Variants in EPAS1 observed in about 807,000 individuals in gnomAD.
EPAS1 encodes endothelial PAS domain-containing protein 1.
A neutral mutation model predicts 87.9 loss-of-function variants in EPAS1; 23 were observed. The observed-to-expected ratio is 0.26, with a 90% CI of 0.19 to 0.37. EPAS1 has a LOEUF of 0.37. Ranked by LOEUF, EPAS1 falls within the 10% of genes least tolerant of loss-of-function variation. The pLI is 1.00. For missense variants in EPAS1, 1,138 were observed against 1,120.7 expected (o/e 1.02, Z -0.22); for synonymous variants, 508 against 444.3 (o/e 1.14, Z -1.80).
intron 2 of EPAS1, among the ~76,000 whole-genome samples, chr2:46,349,879 G>C (rs564905123): frequency 4.5e-4 from 69 of 152,226 alleles, no homozygotes; most frequent in Non-Finnish European, 8.4e-4. Flanking sequence ...TGGGCAGATA[G>C]ACCTGCATTG....
chr2:46,351,868 C>T (rs1337428179), intron 2 of EPAS1, among the ~76,000 whole-genome samples: 1 of 152,172 alleles, frequency 6.6e-6, no homozygotes, highest in Admixed American at 6.5e-5. Flanking sequence ...GCCACTCTGC[C>T]TGCTCTCTCC....
At chr2:46,298,465 G>C (rs949106555) in intron 1 of EPAS1, among the ~76,000 whole-genome samples, 5 of 152,216 alleles carry the variant, frequency 3.3e-5, no homozygotes, top group Non-Finnish European at 7.3e-5. Flanking sequence ...CTACCGAGGA[G>C]CCAGGACCCT....
chr2:46,381,554 G>A (rs1216699483), intron 12 of EPAS1, 42 bp from the exon 13 acceptor site: 1 of 1,613,710 alleles, frequency 6.2e-7, no homozygotes, highest in Admixed American at 1.7e-5. Flanking sequence ...AGTGGCATGT[G>A]GCTCCAGACT....
chr2:46,343,240 C>G (rs546355250), intron 1 of EPAS1, among the ~76,000 whole-genome samples: 1 of 152,170 alleles, frequency 6.6e-6, no homozygotes, highest in Non-Finnish European at 1.5e-5. Flanking sequence ...CTTAGTCCTA[C>G]TCTTAACATT....
chr2:46,378,389 A>G (rs551018756), intron 10 of EPAS1, among the ~76,000 whole-genome samples: 1 of 152,350 alleles, frequency 6.6e-6, no homozygotes, highest in South Asian at 2.1e-4. Context: ...CCTGCTGGCC[A>G]CAGCCTGTAT....
At chr2:46,313,923 G>C (rs1026717659) in intron 1 of EPAS1, among the ~76,000 whole-genome samples, 1 of 152,208 alleles carries the variant, frequency 6.6e-6, no homozygotes, top group African/African-American at 2.4e-5. Context: ...GAAATAATCT[G>C]AGGTTGTCAG....
chr2:46,384,374 C>T (rs924111296), intron 15 of EPAS1, 135 bp from the exon 16 acceptor site: 46 of 1,262,178 alleles, frequency 3.6e-5, no homozygotes, highest in Middle Eastern at 2.0e-4. Flanking sequence ...TGCAGCAGGC[C>T]GTGGGACAGA....
intron 1 of EPAS1, among the ~76,000 whole-genome samples, chr2:46,324,534 G>C (rs1397989180): frequency 6.6e-6 from 1 of 152,218 alleles, no homozygotes; most frequent in East Asian, 1.9e-4. Flanking sequence ...GAACAGACTG[G>C]TTTAAGGCCA....
intron 1 of EPAS1, among the ~76,000 whole-genome samples, chr2:46,332,444 T>G (rs938450423): frequency 2.0e-5 from 3 of 152,088 alleles, no homozygotes; most frequent in African/African-American, 7.2e-5. Flanking sequence ...TAGCAGAGAT[T>G]CGCCATTAGC....
At chr2:46,344,021 T>TA (rs1683965799) in intron 1 of EPAS1, among the ~76,000 whole-genome samples, 1 of 152,254 alleles carries the variant, frequency 6.6e-6, no homozygotes, top group Non-Finnish European at 1.5e-5. Context: ...CTATAAACCC[T>TA]TAAATGGCTT....
At position 46,303,512 on chromosome 2, in the gene EPAS1, G is replaced by A. The variant is rs533712460; in HGVS notation, c.26+5575G>A. Among the ~76,000 whole-genome samples, 90 of 152,234 alleles carry A rather than the reference G, an allele frequency of 5.9e-4. 2 individuals carry two copies. The highest frequency in any genetic ancestry group is 1.2e-3 in the Admixed American group (18 of 15,292). ...GGGGACATGGAAAGGGAGCTGGTGG[G>A]GCTCCACAGACAACAGGGGTAGTAA... On this transcript the variant is annotated intron_variant, in intron 1 of 15. Coordinates refer to ENST00000263734, the MANE Select transcript of EPAS1 (RefSeq NM_001430.5).
Position 46,378,097 on chromosome 2 carries a change from C to G in EPAS1, c.1443+10C>G, listed in dbSNP as rs958590029. ...CAGCAGCTGCTCCACGGTGAGCAGC[C>G]CTCTTATGGCGAGGACACAGAGAGG... On this transcript the variant is annotated intron_variant, in intron 10 of 15. Coordinates refer to ENST00000263734, the MANE Select transcript of EPAS1 (RefSeq NM_001430.5). 6.3e-7 allele frequency: 1 copy of G among 1,591,024 alleles called. No individual in the cohort carries two copies. The highest frequency in any genetic ancestry group is 8.5e-7 in the Non-Finnish European group (1 of 1,170,000).
chr2:46,309,252 A>G (rs1035260833), intron 1 of EPAS1, among the ~76,000 whole-genome samples: 1 of 152,220 alleles, frequency 6.6e-6, no homozygotes, highest in South Asian at 2.1e-4. Flanking sequence ...CTGTGTGTAG[A>G]TGTTTATAGG....
intron 1 of EPAS1, among the ~76,000 whole-genome samples, chr2:46,304,702 G>A (rs1683074255): frequency 6.6e-6 from 1 of 152,048 alleles, no homozygotes; most frequent in South Asian, 2.1e-4. Flanking sequence ...TTCGCTGGTG[G>A]CAAGACTTCA....
Position 46,378,033 on chromosome 2 carries a change from T to A in EPAS1, c.1389T>A (p.Ala463=), listed in dbSNP as rs754617953. The change falls in exon 10 of 16, where the codon GCT becomes GCA. Residue 463 remains alanine (A), a synonymous_variant. Coordinates refer to ENST00000263734, the MANE Select transcript of EPAS1 (RefSeq NM_001430.5). ...CTGCCTTCACCGTGCCCCAGGCAGC[T>A]GCCCCGGGCAGCACCACCCCCAGTG... is the stretch of plus-strand genomic sequence containing the variant. ...SLPAFTVPQA[A]APGSTTPSAT... 8 of 1,605,360 alleles carry A rather than the reference T, an allele frequency of 5.0e-6. No individual in the cohort carries two copies. The highest frequency in any genetic ancestry group is 6.8e-6 in the Non-Finnish European group (8 of 1,176,914).
chr2:46,371,254 A>AGG lies in EPAS1; in HGVS notation c.886+1322_886+1323dup, dbSNP rs1310115380. Among the ~76,000 whole-genome samples the AGG allele has an allele frequency of 1.3e-5, 2 of 152,192 alleles. No individual in the cohort carries two copies. The highest frequency in any genetic ancestry group is 2.4e-5 in the African/African-American group (1 of 41,446). On this transcript the variant is annotated intron_variant, in intron 7 of 15. Transcript: ENST00000263734. This position sits in a 1 kb window ranked among gnomAD's most constrained non-coding sequence, Gnocchi z 4.3. The stretch of plus-strand genomic sequence containing the variant: ...CTCCTAAATCCACCCATCTACCCCA[A>AGG]GGCTAAGACAGCCAAGTTCAGTGCA...
chr2:46,371,109 T>C lies in EPAS1; in HGVS notation c.886+1176T>C, dbSNP rs1684619543. Among the ~76,000 whole-genome samples the C allele has an allele frequency of 6.6e-6, 1 of 152,116 alleles. No homozygotes were observed. Among genetic ancestry groups the C allele is most frequent in the South Asian group, 2.1e-4 (1 of 4,818 alleles). Reference sequence around the variant, plus strand: ...GCTTCAAAACGAGTGCCCACAGTGGTGCAGACAGTGGTGCTGAGAGGATTA... The same window carrying C: ...GCTTCAAAACGAGTGCCCACAGTGGCGCAGACAGTGGTGCTGAGAGGATTA... On this transcript the variant is annotated intron_variant, in intron 7 of 15. Transcript: ENST00000263734. This position sits in a 1 kb window ranked among gnomAD's most constrained non-coding sequence, Gnocchi z 4.3.
At chr2:46,382,303 A>G in intron 14 of EPAS1, 122 bp from the exon 15 acceptor site, 1 of 1,335,046 alleles carries the variant, frequency 7.5e-7, no homozygotes, top group Non-Finnish European at 1.1e-6. Context: ...AGGGTCCTGA[A>G]GGTTGGCTGT....
Position 46,346,939 on chromosome 2 carries a change from G to A in EPAS1, c.93G>A (p.Thr31=), listed in dbSNP as rs370020998. 3.2e-5 allele frequency: 52 copies of A among 1,614,080 alleles called. No individual in the cohort carries two copies. The highest frequency in any genetic ancestry group is 1.6e-4 in the Middle Eastern group (1 of 6,084). The part of the protein sequence containing the change: ...DAARCRRSKE[T]EVFYELAHEL... Reference sequence around the variant, plus strand: ...CGCGGTGCCGGCGGAGCAAGGAGACGGAGGTGTTCTATGAGCTGGCCCATG... The same window carrying A: ...CGCGGTGCCGGCGGAGCAAGGAGACAGAGGTGTTCTATGAGCTGGCCCATG... The change falls in exon 2 of 16, where the codon ACG becomes ACA. Residue 31 remains threonine (T), a synonymous_variant. Transcript: ENST00000263734. This position sits in a 1 kb window ranked among gnomAD's most constrained non-coding sequence, Gnocchi z 4.0.
Sources: allele counts gnomAD v4.1 joint callset (sites outside exome capture counted in the v4.1 genomes callset), GRCh38; gene constraint gnomAD v4.1.1; non-coding constraint Gnocchi (gnomAD v3.1); transcripts MANE v1.5; gene names NCBI Gene and HGNC (gene_info 2026-07-23, HGNC 2026-07-21).